The following EFCAB14 variants were observed in gnomAD, a reference collection of about 807,000 sequenced individuals.
The protein encoded by EFCAB14 is EF-hand calcium-binding domain-containing protein 14.
EFCAB14 carries 43 observed loss-of-function variants against 56.5 expected under a neutral mutation model. The ratio of observed to expected loss-of-function variants is 0.76; its 90% CI spans 0.60 to 0.98. The LOEUF (loss-of-function observed/expected upper bound fraction) is 0.98. Among genes scored for constraint, EFCAB14 ranks in the 50% least tolerant of loss-of-function variants. EFCAB14 has a pLI of 0.00. For synonymous variants in EFCAB14, 235 were observed against 212.9 expected (o/e 1.10, Z -0.90); for missense variants, 538 against 580.3 (o/e 0.93, Z 0.75).
chr1:46,716,463 C>G lies in EFCAB14; in HGVS notation c.186-20G>C. On this transcript the variant is annotated intron_variant, in intron 1 of 10. Coordinates refer to ENST00000371933, the MANE Select transcript of EFCAB14 (RefSeq NM_014774.3). ...TCTCCCCTGCTCAAGAGGACAAATT[C>G]AACCATGAGTACAAAAGTGATTATG... The G allele has an allele frequency of 6.2e-7, 1 of 1,613,384 alleles. No individual in the cohort carries two copies. The highest frequency in any genetic ancestry group is 8.5e-7 in the Non-Finnish European group (1 of 1,179,700).
rs566566696 is a variant in EFCAB14 at position 46,676,364 on chromosome 1, A to G, written c.*2097T>C. 36 of 152,542 alleles carry G rather than the reference A, an allele frequency of 2.4e-4. No homozygotes were observed. The highest frequency in any genetic ancestry group is 8.2e-4 in the African/African-American group (34 of 41,588). 9.4% of individuals were successfully genotyped at this position (152,542 alleles called of 1,614,324 possible). A position where few individuals can be genotyped will look rare whatever the true frequency, so the allele number is the denominator to read the frequency against. On this transcript the variant is annotated 3_prime_UTR_variant, in exon 11 of 11. Coordinates refer to ENST00000371933, the MANE Select transcript of EFCAB14 (RefSeq NM_014774.3). Reference sequence around the variant, plus strand: ...AAAAACAAAATGGATTTCTCCATGTATAGTTATCTGATGCAAGGGAAAATA... The same window carrying G: ...AAAAACAAAATGGATTTCTCCATGTGTAGTTATCTGATGCAAGGGAAAATA...
At chr1:46,678,907 G>C (rs1676741918) in intron 10 of EFCAB14, among the ~76,000 whole-genome samples, 1 of 151,996 alleles carries the variant, frequency 6.6e-6, no homozygotes, top group Non-Finnish European at 1.5e-5. Context: ...AGGATTGCTT[G>C]AGGCCAGGAA....
intron 3 of EFCAB14, among the ~76,000 whole-genome samples, chr1:46,707,057 C>T (rs576553918): frequency 1.3e-5 from 2 of 152,318 alleles, no homozygotes; most frequent in South Asian, 2.1e-4. Context: ...GATACATTTG[C>T]AAGCACTTTC....
At chr1:46,680,022 T>C (rs1348015679) in intron 10 of EFCAB14, among the ~76,000 whole-genome samples, 1 of 152,084 alleles carries the variant, frequency 6.6e-6, no homozygotes, top group Non-Finnish European at 1.5e-5. Flanking sequence ...CATGTCATAA[T>C]CACTACGATG....
chr1:46,695,157 A>T (rs1677060217), intron 4 of EFCAB14, among the ~76,000 whole-genome samples: 1 of 152,142 alleles, frequency 6.6e-6, no homozygotes, highest in Non-Finnish European at 1.5e-5. Flanking sequence ...CCAACATGGC[A>T]CATATATACA....
At chr1:46,686,318 T>A (rs1676880537) in intron 8 of EFCAB14, among the ~76,000 whole-genome samples, 1 of 152,206 alleles carries the variant, frequency 6.6e-6, no homozygotes, top group South Asian at 2.1e-4. Context: ...GAAATAAATT[T>A]TAGATTAGAC....
intron 10 of EFCAB14, among the ~76,000 whole-genome samples, chr1:46,682,921 C>T (rs1676818263): frequency 6.6e-6 from 1 of 152,136 alleles, no homozygotes; most frequent in Non-Finnish European, 1.5e-5. Flanking sequence ...ACTTGGGAGG[C>T]TGAGGCATGA....
At position 46,675,275 on chromosome 1, in the gene EFCAB14, C is replaced by T. The variant is rs773300300; in HGVS notation, c.*3186G>A. ...ACCCTGAATTCTCCCTAAACAGAAC[C>T]AAAATTGCTTATACATTACCAAAAT... is the stretch of plus-strand genomic sequence containing the variant. On this transcript the variant is annotated 3_prime_UTR_variant, in exon 11 of 11. Transcript: ENST00000371933. The T allele has an allele frequency of 6.6e-6, 1 of 152,458 alleles. No homozygotes were observed. Among genetic ancestry groups the T allele is most frequent in the Non-Finnish European group, 1.5e-5 (1 of 68,010 alleles). The allele number at this position is 152,458 out of a possible 1,614,324, so 9.4% of individuals were successfully genotyped here.
chr1:46,716,273 AAG>A lies in EFCAB14; in HGVS notation c.334+20_334+21del, dbSNP rs753389595. 1.2e-5 allele frequency: 18 copies of A among 1,516,710 alleles called. No individual in the cohort carries two copies. The highest frequency in any genetic ancestry group is 7.1e-5 in the East Asian group (3 of 42,234). 94.0% of individuals were successfully genotyped at this position (1,516,710 alleles called of 1,614,324 possible). On this transcript the variant is annotated intron_variant, in intron 2 of 10. Coordinates refer to ENST00000371933, the MANE Select transcript of EFCAB14 (RefSeq NM_014774.3). The stretch of plus-strand genomic sequence containing the variant: ...CAAAAAAAAAAAAAAAAAAAAAAAA[AAG>A]AGAGTAACCACTTACTTACTTGTTC...
chr1:46,709,139 ACTC>A (rs796252034), intron 2 of EFCAB14, among the ~76,000 whole-genome samples: 19 of 152,248 alleles, frequency 1.2e-4, no homozygotes, highest in African/African-American at 2.6e-4. Context: ...CACTTAGAAC[ACTC>A]CTGACACATT....
intron 2 of EFCAB14, among the ~76,000 whole-genome samples, chr1:46,712,890 G>A (rs889679320): frequency 1.3e-5 from 2 of 151,980 alleles, no homozygotes; most frequent in Non-Finnish European, 2.9e-5. Context: ...GCATGCGCCT[G>A]TAATTCCCAG....
intron 4 of EFCAB14, among the ~76,000 whole-genome samples, chr1:46,696,177 T>C (rs902028840): frequency 6.6e-6 from 1 of 151,962 alleles, no homozygotes; most frequent in Non-Finnish European, 1.5e-5. Context: ...TCATGTACAA[T>C]TGGTCTGCTT....
At chr1:46,693,152 C>T (rs566091729) in intron 4 of EFCAB14, among the ~76,000 whole-genome samples, 164 of 152,206 alleles carry the variant, frequency 1.1e-3, no homozygotes, top group African/African-American at 3.9e-3. Flanking sequence ...CTTTCATTAG[C>T]CCTAAAAAGC....
intron 3 of EFCAB14, among the ~76,000 whole-genome samples, chr1:46,706,712 T>C (rs1309846127): frequency 1.3e-5 from 2 of 152,246 alleles, no homozygotes; most frequent in African/African-American, 4.8e-5. Context: ...ATACCTGCTT[T>C]TCTCTAATTA....
rs758514054 is a variant in EFCAB14 at position 46,678,518 on chromosome 1, A to T, written c.1431T>A (p.Asp477Glu). 6.2e-7 allele frequency: 1 copy of T among 1,614,034 alleles called. No individual in the cohort carries two copies. The highest frequency in any genetic ancestry group is 2.2e-5 in the East Asian group (1 of 44,890). The change falls in exon 11 of 11, where the codon GAT (aspartate) becomes GAA (glutamate). Residue 477 changes from aspartate (D) to glutamate (E), a missense_variant. Physicochemically the swap from Asp to Glu is conservative, Grantham distance 45. Transcript: ENST00000371933. ...ATGAGTATCTTCCATCTCCATCGGAATCAAATGCTCTCAAGCTCTCTGGTT... is the reference window on the plus strand; with the variant it reads ...ATGAGTATCTTCCATCTCCATCGGATTCAAATGCTCTCAAGCTCTCTGGTT... The part of the protein sequence containing the change: ...MPEPESLRAF[D>E]SDGDGRYSFL...
chr1:46,691,776 T>C, intron 5 of EFCAB14, 51 bp downstream of exon 5: 4 of 1,432,496 alleles, frequency 2.8e-6, no homozygotes, highest in Non-Finnish European at 3.9e-6. Flanking sequence ...AACATGACTC[T>C]TACACAAAAA....
intron 3 of EFCAB14, among the ~76,000 whole-genome samples, chr1:46,700,428 C>A (rs574448116): frequency 2.0e-5 from 3 of 152,268 alleles, no homozygotes; most frequent in East Asian, 3.9e-4. Flanking sequence ...AAACCTCAGT[C>A]CACAGAGATA....
At chr1:46,680,284 T>C (rs1209196695) in intron 10 of EFCAB14, among the ~76,000 whole-genome samples, 1 of 152,194 alleles carries the variant, frequency 6.6e-6, no homozygotes, top group Non-Finnish European at 1.5e-5. Flanking sequence ...GCATTACTCT[T>C]AATAGCCCAA....
intron 2 of EFCAB14, among the ~76,000 whole-genome samples, chr1:46,710,277 T>C (rs1043371220): frequency 6.6e-6 from 1 of 152,232 alleles, no homozygotes; most frequent in Non-Finnish European, 1.5e-5. Context: ...ATACATGTAA[T>C]GTATAGTGAT....
Sources: allele counts gnomAD v4.1 joint callset (sites outside exome capture counted in the v4.1 genomes callset), GRCh38; gene constraint gnomAD v4.1.1; transcripts MANE v1.5; gene names NCBI Gene and HGNC (gene_info 2026-07-23, HGNC 2026-07-21).